The following NARF variants were observed in gnomAD, a reference collection of about 807,000 sequenced individuals.
NARF encodes the protein nuclear prelamin A recognition factor.
In NARF, 41 loss-of-function variants were observed where a neutral mutation model predicts 48.0. The observed-to-expected ratio is 0.85, with a 90% CI of 0.66 to 1.11. The LOEUF (loss-of-function observed/expected upper bound fraction) is 1.11. Ranked by LOEUF, NARF falls within the 50% of genes least tolerant of loss-of-function variation. The probability of loss-of-function intolerance (pLI) is 0.00; values close to 1 mark genes in which losing one functional copy is unlikely to be tolerated. For missense variants in NARF, 613 were observed against 590.2 expected (o/e 1.04, Z -0.40); for synonymous variants, 215 against 225.5 (o/e 0.95, Z 0.42).
intron 3 of NARF, among the ~76,000 whole-genome samples, chr17:82,464,964 A>G (rs2043529405): frequency 6.6e-6 from 1 of 152,200 alleles, no homozygotes; most frequent in African/African-American, 2.4e-5. Flanking sequence ...CCATTCTCAC[A>G]TTGCTACAAA....
chr17:82,475,120 C>G (rs974447484), intron 5 of NARF, among the ~76,000 whole-genome samples: 18 of 152,142 alleles, frequency 1.2e-4, no homozygotes, highest in Admixed American at 8.5e-4. Context: ...TGTGCTGAGC[C>G]TGAGCCTGCC....
chr17:82,471,471 A>AT (rs2043702267), intron 4 of NARF, among the ~76,000 whole-genome samples: 3 of 149,180 alleles, frequency 2.0e-5, no homozygotes, highest in Admixed American at 6.7e-5. Flanking sequence ...AAAAAAAAAA[A>AT]TTCAGTATAA....
At chr17:82,472,906 A>C (rs1341364569) in intron 5 of NARF, among the ~76,000 whole-genome samples, 1 of 152,136 alleles carries the variant, frequency 6.6e-6, no homozygotes, top group Admixed American at 6.6e-5. Flanking sequence ...CACACTGGAA[A>C]GGCCAGTATG....
chr17:82,468,740 A>C (rs779322594), intron 3 of NARF, 24 bp from the exon 4 acceptor site: 1 of 1,612,140 alleles, frequency 6.2e-7, no homozygotes, highest in Admixed American at 1.7e-5. Flanking sequence ...GCAGATACCT[A>C]ACATTCTCTA....
intron 2 of NARF, among the ~76,000 whole-genome samples, chr17:82,462,202 G>A (rs1451995026): frequency 1.3e-5 from 2 of 152,208 alleles, no homozygotes; most frequent in Admixed American, 6.5e-5. Context: ...GAGAGGAGTT[G>A]GGTTGGGGTT....
intron 7 of NARF, among the ~76,000 whole-genome samples, chr17:82,481,601 A>G (rs557915853): frequency 6.6e-6 from 1 of 151,896 alleles, no homozygotes; most frequent in East Asian, 1.9e-4. Context: ...ATGGTGGCAC[A>G]TGCCTGTAAT....
At chr17:82,473,793 A>G (rs1182212899) in intron 5 of NARF, among the ~76,000 whole-genome samples, 2 of 150,902 alleles carry the variant, frequency 1.3e-5, no homozygotes, top group African/African-American at 2.4e-5. Context: ...CCTGACCTCA[A>G]GTGATCTGCC....
intron 4 of NARF, among the ~76,000 whole-genome samples, chr17:82,471,962 T>TAA (rs1348698974): frequency 3.3e-5 from 5 of 152,008 alleles, no homozygotes; most frequent in Non-Finnish European, 5.9e-5. Context: ...TAAGGTGTTT[T>TAA]AAAATGTAGA....
chr17:82,461,243 T>C (rs2043429404), intron 2 of NARF, among the ~76,000 whole-genome samples: 1 of 152,066 alleles, frequency 6.6e-6, no homozygotes, highest in Non-Finnish European at 1.5e-5. Flanking sequence ...ATTCAGTTCT[T>C]GTTTTTAAAT....
chr17:82,464,398 A>G lies in NARF; in HGVS notation c.220A>G (p.Lys74Glu), dbSNP rs780215022. The stretch of plus-strand genomic sequence containing the variant: ...AGTCCAACTTTCCCAGCAAAATGCC[A>G]AGGACTTCTTCCGCGTTCTGAACCT... ...EGVQLSQQNA[K>E]DFFRVLNLNK... The change falls in exon 3 of 11, where the codon AAG (lysine) becomes GAG (glutamate). Residue 74 changes from lysine to glutamate, a missense_variant. Lys to Glu is a moderately conservative substitution (Grantham distance 56). Transcript: ENST00000309794. The G allele has an allele frequency of 1.9e-6, 3 of 1,613,996 alleles. No individual in the cohort carries two copies. The highest frequency in any genetic ancestry group is 1.1e-5 in the South Asian group (1 of 91,066).
At chr17:82,485,009 C>G in intron 9 of NARF, 59 bp downstream of exon 9, 1 of 1,524,910 alleles carries the variant, frequency 6.6e-7, no homozygotes, top group Non-Finnish European at 8.8e-7. Context: ...GCATGGTGTG[C>G]CTGTATGGAT....
intron 3 of NARF, among the ~76,000 whole-genome samples, chr17:82,467,433 T>G (rs921097609): frequency 1.3e-5 from 2 of 152,206 alleles, no homozygotes; most frequent in Non-Finnish European, 1.5e-5. Context: ...TAGAACAGTT[T>G]GTAGATGAGG....
chr17:82,478,451 C>A, intron 5 of NARF: 1 of 388,960 alleles, frequency 2.6e-6, no homozygotes, highest in Non-Finnish European at 5.2e-6. Flanking sequence ...CTGTAGCTGG[C>A]CAGGCGATTT....
chr17:82,471,316 G>A (rs555899809), intron 4 of NARF, among the ~76,000 whole-genome samples: 15 of 151,736 alleles, frequency 9.9e-5, no homozygotes, highest in East Asian at 7.8e-4. Flanking sequence ...GTAGCCGGGC[G>A]TGGTGACGGG....
At chr17:82,480,888 CGCCACTGCACTCCAACCTGGT>C (rs2043947349) in intron 6 of NARF, 173 bp from the exon 7 acceptor site, 1 of 683,866 alleles carries the variant, frequency 1.5e-6, no homozygotes, top group Non-Finnish European at 2.4e-6. Flanking sequence ...GCTGAGATCA[CGCCACTGCACTCCAACCTGGT>C]GACAGAGCAA....
At chr17:82,473,256 A>G (rs2043756165) in intron 5 of NARF, among the ~76,000 whole-genome samples, 1 of 142,522 alleles carries the variant, frequency 7.0e-6, no homozygotes, top group Non-Finnish European at 1.5e-5. Context: ...AGATCTCTTG[A>G]GCCCAGGAGT....
chr17:82,480,319 A>G (rs1262815628), intron 6 of NARF: 2 of 400,058 alleles, frequency 5.0e-6, no homozygotes, highest in Non-Finnish European at 8.8e-6. Context: ...ACACTCACTC[A>G]GGCCTCCTGC....
intron 1 of NARF, chr17:82,459,274 G>T (rs12051657): frequency 0.37 from 292,159 of 781,092 alleles, 58,131 homozygotes; most frequent in East Asian, 0.92. Flanking sequence ...GTTGTCTCCA[G>T]GCCATGGCAA....
chr17:82,478,140 C>T (rs900032436), intron 5 of NARF, among the ~76,000 whole-genome samples: 6 of 152,124 alleles, frequency 3.9e-5, no homozygotes, highest in South Asian at 2.1e-4. Flanking sequence ...TGTACGCCTG[C>T]GGGAAAGGAG....
Sources: gnomAD v4.1 joint callset for allele counts (sites outside exome capture counted in the v4.1 genomes callset) on GRCh38, gnomAD v4.1.1 for gene constraint, MANE v1.5 for transcripts, NCBI Gene and HGNC (gene_info 2026-07-23, HGNC 2026-07-21) for gene names.